NCOA2: variants seen among roughly 807,000 people sequenced by gnomAD.
NCOA2 encodes nuclear receptor coactivator 2.
In NCOA2, 21 loss-of-function variants were observed where a neutral mutation model predicts 145.1. The observed-to-expected ratio is 0.14, with a 90% CI of 0.10 to 0.21. The LOEUF (loss-of-function observed/expected upper bound fraction) is 0.21, where lower values mean the gene tolerates loss of function less well. Among genes scored for constraint, NCOA2 ranks in the 10% least tolerant of loss-of-function variants. The pLI, the probability that NCOA2 is intolerant of heterozygous loss-of-function variation, is 1.00. For missense variants in NCOA2, 1,472 were observed against 1,837.6 expected (o/e 0.80, Z 3.64); for synonymous variants, 619 against 637.5 (o/e 0.97, Z 0.44).
chr8:70,285,722 T>C (rs181834957), intron 2 of NCOA2, among the ~76,000 whole-genome samples: 117 of 152,346 alleles, frequency 7.7e-4, no homozygotes, highest in African/African-American at 2.6e-3. Flanking sequence ...ACCTAAAACA[T>C]GACTACTTTA....
intron 1 of NCOA2, among the ~76,000 whole-genome samples, chr8:70,316,793 T>C (rs568321483): frequency 6.6e-6 from 1 of 152,264 alleles, no homozygotes; most frequent in South Asian, 2.1e-4. Context: ...TAAAAGCCAA[T>C]CAAATCTATA....
chr8:70,173,985 A>G (rs1814547242), intron 5 of NCOA2, among the ~76,000 whole-genome samples: 1 of 152,152 alleles, frequency 6.6e-6, no homozygotes, highest in Non-Finnish European at 1.5e-5. Context: ...TTTCAACCTC[A>G]TCGTATCATC....
chr8:70,198,315 T>C (rs1817555984), intron 4 of NCOA2, among the ~76,000 whole-genome samples: 1 of 152,176 alleles, frequency 6.6e-6, no homozygotes, highest in Non-Finnish European at 1.5e-5. Flanking sequence ...GCACACAAGC[T>C]GTGCAGTTAT....
At chr8:70,240,359 C>T (rs1822019754) in intron 2 of NCOA2, among the ~76,000 whole-genome samples, 1 of 152,138 alleles carries the variant, frequency 6.6e-6, no homozygotes, top group South Asian at 2.1e-4. Flanking sequence ...AAATAAGCTG[C>T]CTTCACTATT....
intron 4 of NCOA2, among the ~76,000 whole-genome samples, chr8:70,187,220 G>T (rs1816175399): frequency 6.6e-6 from 1 of 152,178 alleles, no homozygotes; most frequent in South Asian, 2.1e-4. Context: ...GTTACAATTT[G>T]CATGCTGAGG....
rs1174331367 is a variant in NCOA2 at position 70,126,799 on chromosome 8, T to G, written c.3916+14A>C. On this transcript the variant is annotated intron_variant, in intron 19 of 22. Transcript: ENST00000452400. ...AAGGACTGGTGAAAGGTGGTGGGGA[T>G]CTAAGTCCAGTACCGTAGTTTGGAG... The G allele has an allele frequency of 6.2e-7, 1 of 1,607,290 alleles. No individual in the cohort carries two copies. The highest frequency in any genetic ancestry group is 1.3e-5 in the African/African-American group (1 of 74,780).
chr8:70,391,571 G>C (rs752412213), intron 1 of NCOA2, among the ~76,000 whole-genome samples: 3 of 152,180 alleles, frequency 2.0e-5, no homozygotes, highest in Non-Finnish European at 4.4e-5. Flanking sequence ...CTTCAGCCCT[G>C]ATCAAACTCA....
At chr8:70,213,734 T>C (rs1471036407) in intron 4 of NCOA2, among the ~76,000 whole-genome samples, 169 bp downstream of exon 4, 1 of 152,214 alleles carries the variant, frequency 6.6e-6, no homozygotes, top group Non-Finnish European at 1.5e-5. Flanking sequence ...ACAAAGCCTA[T>C]TTATAAACCA....
chr8:70,452,637 G>C, the NCOA2 span, among the ~76,000 whole-genome samples: 1 of 151,686 alleles, frequency 6.6e-6, no homozygotes, highest in Non-Finnish European at 1.5e-5. Context: ...ATTGAAGTTT[G>C]TAAAACACAA....
At chr8:70,160,359 T>C (rs1812799467) in intron 9 of NCOA2, among the ~76,000 whole-genome samples, 1 of 152,224 alleles carries the variant, frequency 6.6e-6, no homozygotes. Context: ...GTGTTTCCAT[T>C]TTCAAGACAA....
At chr8:70,303,522 G>T (rs1827657291) in intron 1 of NCOA2, among the ~76,000 whole-genome samples, 1 of 152,162 alleles carries the variant, frequency 6.6e-6, no homozygotes, top group Non-Finnish European at 1.5e-5. Flanking sequence ...TATAAATCAG[G>T]CTAGAGAAGG....
At chr8:70,287,717 A>G (rs115034018) in intron 2 of NCOA2, among the ~76,000 whole-genome samples, 1,718 of 152,326 alleles carry the variant, frequency 0.011, 42 homozygotes, top group African/African-American at 0.039. Context: ...TTAATGGCAG[A>G]TTATCATGTC....
chr8:70,123,987 T>A lies in NCOA2; in HGVS notation c.4190A>T (p.Asn1397Ile). 1.2e-6 allele frequency: 2 copies of A among 1,614,010 alleles called. No individual in the cohort carries two copies. Among genetic ancestry groups the A allele is most frequent in the Non-Finnish European group, 1.7e-6 (2 of 1,179,876 alleles). Residue 1397 changes from asparagine to isoleucine, a missense_variant, in exon 21 of 23, where the codon AAC becomes ATC. Coordinates refer to ENST00000452400, the MANE Select transcript of NCOA2 (RefSeq NM_006540.4). ...NMNINVSMAT[N>I]TGGMSSMNQM... ...GTTCATGCTGCTCATGCCACCTGTG[T>A]TGGTCGCCATGGACACATTGATGTT...
At chr8:70,409,496 G>A in the NCOA2 span, among the ~76,000 whole-genome samples, 109 of 152,208 alleles carry the variant, frequency 7.2e-4, no homozygotes, top group Non-Finnish European at 9.0e-4. Flanking sequence ...CTAGGTATCA[G>A]TTTGGAGAAA....
At chr8:70,252,774 A>ATACAAT (rs1437748312) in intron 2 of NCOA2, among the ~76,000 whole-genome samples, 1 of 152,232 alleles carries the variant, frequency 6.6e-6, no homozygotes, top group Non-Finnish European at 1.5e-5. Flanking sequence ...AGATTTGACC[A>ATACAAT]TACAAATAGA....
At chr8:70,239,621 A>T (rs1257428059) in intron 2 of NCOA2, among the ~76,000 whole-genome samples, 1 of 152,148 alleles carries the variant, frequency 6.6e-6, no homozygotes, top group Non-Finnish European at 1.5e-5. Context: ...CACTTGATTC[A>T]GGTATCCAAT....
At chr8:70,284,812 C>G (rs374277883) in intron 2 of NCOA2, among the ~76,000 whole-genome samples, 7 of 151,498 alleles carry the variant, frequency 4.6e-5, no homozygotes, top group South Asian at 4.2e-4. Flanking sequence ...ACTTTTAAGG[C>G]ACAATATGGA....
chr8:70,142,361 G>C (rs1449832654), intron 13 of NCOA2, among the ~76,000 whole-genome samples: 1 of 152,184 alleles, frequency 6.6e-6, no homozygotes, highest in African/African-American at 2.4e-5. Flanking sequence ...TACGAAATGA[G>C]AATGTGCTGT....
At chr8:70,281,810 A>C (rs1586358251) in intron 2 of NCOA2, among the ~76,000 whole-genome samples, 1 of 152,318 alleles carries the variant, frequency 6.6e-6, no homozygotes, top group South Asian at 2.1e-4. Flanking sequence ...TGCAAAATGG[A>C]GATTCTACAA....
Sources: gnomAD v4.1 joint callset for allele counts (sites outside exome capture counted in the v4.1 genomes callset) on GRCh38, gnomAD v4.1.1 for gene constraint, MANE v1.5 for transcripts, NCBI Gene and HGNC (gene_info 2026-07-23, HGNC 2026-07-21) for gene names.